Variants in FKBP1A observed in about 807,000 individuals in gnomAD.
FKBP1A encodes the protein FKBP prolyl isomerase 1A.
A neutral mutation model predicts 14.2 loss-of-function variants in FKBP1A; 5 were observed. The observed-to-expected ratio is 0.35, with a 90% CI of 0.18 to 0.74. The LOEUF (loss-of-function observed/expected upper bound fraction) is 0.74, where lower values mean the gene tolerates loss of function less well. Ranked by LOEUF, FKBP1A falls within the 30% of genes least tolerant of loss-of-function variation. The pLI, the probability that FKBP1A is intolerant of heterozygous loss-of-function variation, is 0.56. For missense variants in FKBP1A, 53 were observed against 138.8 expected, an observed-to-expected ratio of 0.38 and a Z score of 3.10; for synonymous variants, 42 against 49.1, an observed-to-expected ratio of 0.86 and a Z score of 0.60.
intron 4 of FKBP1A, 108 bp downstream of exon 4, chr20:1,371,968 A>T (rs2089471178): frequency 6.8e-7 from 1 of 1,476,532 alleles, no homozygotes. Context: ...TGCAGGGGGA[A>T]AAATAGCCTT....
intron 2 of FKBP1A, among the ~76,000 whole-genome samples, chr20:1,388,929 A>C (rs1391707695): frequency 1.3e-5 from 2 of 151,936 alleles, no homozygotes; most frequent in African/African-American, 4.8e-5. Flanking sequence ...TGTTCCTCTA[A>C]TGCACCGAGC....
intron 3 of FKBP1A, among the ~76,000 whole-genome samples, chr20:1,372,819 C>CAA (rs1568585481): frequency 6.6e-6 from 1 of 152,120 alleles, no homozygotes; most frequent in East Asian, 1.9e-4. Context: ...GATATGCCTA[C>CAA]AACAGAAAAC....
chr20:1,370,466 G>A (rs1308551724), intron 4 of FKBP1A: 8 of 972,064 alleles, frequency 8.2e-6, no homozygotes, highest in Non-Finnish European at 9.8e-6. Context: ...ATGATTAACT[G>A]GTTTAGGGTT....
chr20:1,387,139 C>T (rs1469928419), intron 2 of FKBP1A, among the ~76,000 whole-genome samples: 1 of 151,646 alleles, frequency 6.6e-6, no homozygotes, highest in Non-Finnish European at 1.5e-5. Flanking sequence ...CAGTTTAAGC[C>T]TAAAAATGTT....
intron 4 of FKBP1A, 155 bp from the exon 5 acceptor site, chr20:1,370,227 A>G (rs2122648420): frequency 1.0e-6 from 1 of 985,476 alleles, no homozygotes; most frequent in African/African-American, 1.7e-5. Context: ...AGACAGCCAG[A>G]AAGACTTGGG....
chr20:1,392,502 C>A (rs897286690), intron 2 of FKBP1A, among the ~76,000 whole-genome samples: 15 of 152,158 alleles, frequency 9.9e-5, no homozygotes, highest in African/African-American at 2.4e-4. Context: ...GAAAGTGAGA[C>A]CTTGGGAAAG....
At chr20:1,370,135 C>A in intron 4 of FKBP1A, 63 bp from the exon 5 acceptor site, 6 of 1,529,382 alleles carry the variant, frequency 3.9e-6, no homozygotes, top group Non-Finnish European at 5.3e-6. Context: ...GCAGTGGCGA[C>A]AGCCACGATG....
At chr20:1,373,714 T>C (rs2089499908) in intron 3 of FKBP1A, among the ~76,000 whole-genome samples, 1 of 152,152 alleles carries the variant, frequency 6.6e-6, no homozygotes, top group Non-Finnish European at 1.5e-5. Context: ...CGATGGCAGA[T>C]ACAGCACTCA....
intron 4 of FKBP1A, chr20:1,370,895 TAA>T (rs2089455002): frequency 2.0e-6 from 2 of 985,348 alleles, no homozygotes; most frequent in Non-Finnish European, 2.4e-6. Context: ...AAAGGCCCTG[TAA>T]AGTGCCAGGG....
Position 1,371,178 on chromosome 20 carries a change from C to A in FKBP1A, c.*36+898G>T, listed in dbSNP as rs138330484. ...GCAGGAGGGGAGCAAATAAAAAGGTCTGGGGCCAGTTGGAAGGAAGCCAGT... is the reference window on the plus strand; with the variant it reads ...GCAGGAGGGGAGCAAATAAAAAGGTATGGGGCCAGTTGGAAGGAAGCCAGT... On this transcript the variant is annotated intron_variant, in intron 4 of 4. Transcript: ENST00000400137. 5,985 of 985,428 alleles carry A rather than the reference C, an allele frequency of 6.1e-3. 22 individuals carry two copies. Among genetic ancestry groups the A allele is most frequent in the Non-Finnish European group, 6.9e-3 (5,718 of 829,940 alleles). 61.0% of individuals were successfully genotyped at this position (985,428 alleles called of 1,614,324 possible).
At chr20:1,382,445 T>C (rs939730876) in intron 2 of FKBP1A, among the ~76,000 whole-genome samples, 29 of 152,310 alleles carry the variant, frequency 1.9e-4, no homozygotes, top group African/African-American at 6.5e-4. Flanking sequence ...CCTAACAAAC[T>C]GCCTGGAATA....
intron 2 of FKBP1A, among the ~76,000 whole-genome samples, chr20:1,391,286 C>T (rs942273903): frequency 8.5e-5 from 13 of 152,130 alleles, no homozygotes; most frequent in African/African-American, 3.1e-4. Flanking sequence ...GCCCACTCAC[C>T]CCAGCACTGT....
chr20:1,370,941 CCAGTTA>C, intron 4 of FKBP1A: 1 of 985,470 alleles, frequency 1.0e-6, no homozygotes, highest in South Asian at 4.7e-5. Flanking sequence ...GGTGAAGAAA[CCAGTTA>C]TCAAACTTAA....
At chr20:1,370,821 A>C (rs1027775525) in intron 4 of FKBP1A, 6 of 985,304 alleles carry the variant, frequency 6.1e-6, no homozygotes, top group Non-Finnish European at 1.2e-6. Flanking sequence ...TATGTTCAAA[A>C]AATGACTCAG....
At chr20:1,385,981 T>C (rs1279611870) in intron 2 of FKBP1A, among the ~76,000 whole-genome samples, 1 of 152,250 alleles carries the variant, frequency 6.6e-6, no homozygotes, top group Non-Finnish European at 1.5e-5. Flanking sequence ...CACAACAGTC[T>C]TGCTTATTAA....
At chr20:1,375,065 G>A (rs1444805200) in intron 3 of FKBP1A, among the ~76,000 whole-genome samples, 2 of 152,124 alleles carry the variant, frequency 1.3e-5, no homozygotes, top group African/African-American at 4.8e-5. Context: ...TCGAACTCCG[G>A]ACCTCAGGTG....
chr20:1,392,559 A>G (rs1162482824), intron 2 of FKBP1A, among the ~76,000 whole-genome samples: 7 of 152,178 alleles, frequency 4.6e-5, no homozygotes, highest in African/African-American at 1.4e-4. Context: ...TGCAGCGGGC[A>G]TAAGGGCAGC....
intron 2 of FKBP1A, among the ~76,000 whole-genome samples, 182 bp downstream of exon 2, chr20:1,392,652 C>G (rs1289998499): frequency 6.6e-6 from 1 of 152,114 alleles, no homozygotes; most frequent in African/African-American, 2.4e-5. Context: ...TCAGACCCGC[C>G]CGGGTTCCGC....
rs1212934655 is a variant in FKBP1A, at chr20:1,379,843, GAGA to G, written c.86-4243_86-4241del. ...CAACTGGCACAAGCTACAGGACAAGGAGAAGGAGGGCTTCCCCAGTGGGGAGGA... is the reference window on the plus strand; with the variant it reads ...CAACTGGCACAAGCTACAGGACAAGGAGGAGGGCTTCCCCAGTGGGGAGGA... On this transcript the variant is annotated intron_variant, in intron 2 of 4. Coordinates refer to ENST00000400137, the MANE Select transcript of FKBP1A (RefSeq NM_000801.5). The surrounding 1 kb of genome is among the most constrained non-coding windows in gnomAD (Gnocchi z 4.3). Among the ~76,000 whole-genome samples the G allele has an allele frequency of 6.6e-6, 1 of 152,218 alleles. No individual in the cohort carries two copies. Among genetic ancestry groups the G allele is most frequent in the African/African-American group, 2.4e-5 (1 of 41,460 alleles).
Sources: gnomAD v4.1 joint callset for allele counts (sites outside exome capture counted in the v4.1 genomes callset) on GRCh38, gnomAD v4.1.1 for gene constraint, Gnocchi (gnomAD v3.1) non-coding constraint, MANE v1.5 for transcripts, NCBI Gene and HGNC (gene_info 2026-07-23, HGNC 2026-07-21) for gene names.